The following LRPAP1 variants were observed in gnomAD, a reference collection of about 807,000 sequenced individuals.
The protein encoded by LRPAP1 is LDL receptor related protein associated protein 1, also known as alpha-2-macroglobulin receptor-associated protein.
A neutral mutation model predicts 39.9 loss-of-function variants in LRPAP1; 41 were observed. That is an observed-to-expected ratio of 1.03 (90% CI 0.80 to 1.33). The LOEUF (loss-of-function observed/expected upper bound fraction) is 1.33. LRPAP1 is among the 40% of genes most tolerant of loss of function. The pLI is 0.00. For missense variants in LRPAP1, 565 were observed against 482.3 expected (o/e 1.17, Z -1.61); for synonymous variants, 263 against 212.7 (o/e 1.24, Z -2.06).
At chr4:3,522,952 C>CG (rs1450689431) in intron 2 of LRPAP1, among the ~76,000 whole-genome samples, 1 of 152,094 alleles carries the variant, frequency 6.6e-6, no homozygotes, top group Non-Finnish European at 1.5e-5. Context: ...CGGGGGACCT[C>CG]GGGGGTCCAG....
rs541902980 is a variant in LRPAP1 at position 3,527,433 on chromosome 4, G to A, written c.205-2382C>T. Among the ~76,000 whole-genome samples, 5 of 149,908 alleles carry A rather than the reference G, an allele frequency of 3.3e-5. No homozygotes were observed. The East Asian group carries it at 6.3e-4, about 19-fold the overall frequency. On this transcript the variant is annotated intron_variant, in intron 1 of 7. Transcript: ENST00000650182. Reference sequence around the variant, plus strand: ...AGGGGCAGTCGGTGCCTCAGGAGGAGGGGGAGCCCACACCTGCCTATCTTG... The same window carrying A: ...AGGGGCAGTCGGTGCCTCAGGAGGAAGGGGAGCCCACACCTGCCTATCTTG...
Position 3,516,146 on chromosome 4 carries a change from G to A in LRPAP1, c.804C>T (p.Asn268=), listed in dbSNP as rs980674355. The change falls in exon 6 of 8, where the codon AAC becomes AAT. Residue 268 remains asparagine (N), a synonymous_variant. Transcript: ENST00000650182. ...ACGCCTCCAGCTCCTTGTCCGTGAGGTTGGCGGACTGCGCCAGGTCCCACA... is the reference window on the plus strand; with the variant it reads ...ACGCCTCCAGCTCCTTGTCCGTGAGATTGGCGGACTGCGCCAGGTCCCACA... ...IDLWDLAQSA[N]LTDKELEAFR... 2.5e-6 allele frequency: 4 copies of A among 1,582,444 alleles called. No individual in the cohort carries two copies. The African/African-American group carries it at 4.0e-5, about 16-fold the overall frequency.
intron 2 of LRPAP1, among the ~76,000 whole-genome samples, chr4:3,521,660 T>C (rs972540175): frequency 6.6e-6 from 1 of 152,208 alleles, no homozygotes; most frequent in Non-Finnish European, 1.5e-5. Context: ...TGTTCCAGCC[T>C]GGAAGCGCTT....
At chr4:3,522,598 CG>C (rs1277746098) in intron 2 of LRPAP1, among the ~76,000 whole-genome samples, 34 of 47,180 alleles carry the variant, frequency 7.2e-4, no homozygotes, top group Admixed American at 9.4e-4. Context: ...AGTCGGACGC[CG>C]CCCCACACCC....
At chr4:3,526,056 G>A (rs917917034) in intron 1 of LRPAP1, among the ~76,000 whole-genome samples, 7 of 152,252 alleles carry the variant, frequency 4.6e-5, no homozygotes, top group African/African-American at 1.2e-4. Context: ...GTCATGAGGT[G>A]GGACCAGGGT....
In LRPAP1 at chr4:3,519,106, C is replaced by G. The variant is rs1259502281; in HGVS notation, c.472-115G>C. The G allele has an allele frequency of 1.0e-5, 15 of 1,499,904 alleles. No individual in the cohort carries two copies. In the Admixed American group the frequency reaches 2.0e-4, roughly 20 times the overall value. 92.9% of individuals were successfully genotyped at this position (1,499,904 alleles called of 1,614,324 possible). A position where few individuals can be genotyped will look rare whatever the true frequency, so the allele number is the denominator to read the frequency against. The stretch of plus-strand genomic sequence containing the variant: ...GGCCCTTGCCTACGTGAGTGCCAGG[C>G]CAGGTTCTTGGCCTCACGAAGGGCA... On this transcript the variant is annotated intron_variant, in intron 3 of 7. Transcript: ENST00000650182.
At chr4:3,525,433 A>G (rs1483079323) in intron 1 of LRPAP1, among the ~76,000 whole-genome samples, 2 of 149,092 alleles carry the variant, frequency 1.3e-5, no homozygotes, top group African/African-American at 4.9e-5. Context: ...TATTGCAAGG[A>G]CACAGACACC....
At position 3,511,053 on chromosome 4, in the gene LRPAP1, C is replaced by T. The variant is rs771011588; in HGVS notation, c.*1921G>A. On this transcript the variant is annotated 3_prime_UTR_variant, in exon 8 of 8. Transcript: ENST00000650182. ...TAAGACACGCTACTCCGCAATTAGACACCACAAAACGCCAGCCAGGCTGTC... is the reference window on the plus strand; with the variant it reads ...TAAGACACGCTACTCCGCAATTAGATACCACAAAACGCCAGCCAGGCTGTC... 8 of 152,294 alleles carry T rather than the reference C, an allele frequency of 5.3e-5. No homozygotes were observed. The highest frequency in any genetic ancestry group is 4.4e-5 in the Non-Finnish European group (3 of 68,054). 9.4% of individuals were successfully genotyped at this position (152,294 alleles called of 1,614,324 possible).
rs1193530763 is a variant in LRPAP1 at position 3,505,278 on chromosome 4, G to A, written c.*7696C>T. Among the ~76,000 whole-genome samples the A allele has an allele frequency of 6.6e-6, 1 of 152,194 alleles. No individual in the cohort carries two copies. The highest frequency in any genetic ancestry group is 6.5e-5 in the Admixed American group (1 of 15,292). On this transcript the variant is annotated 3_prime_UTR_variant, in exon 8 of 8. Coordinates refer to ENST00000650182, the MANE Select transcript of LRPAP1 (RefSeq NM_002337.4). ...TGCGGTGGCAGTGGTGGGGGAGCAG[G>A]CATGGCACCCGGAGCACTGGAGCCC... is the stretch of plus-strand genomic sequence containing the variant.
At chr4:3,519,545 T>C (rs1219573800) in intron 3 of LRPAP1, among the ~76,000 whole-genome samples, 2 of 152,168 alleles carry the variant, frequency 1.3e-5, no homozygotes, top group African/African-American at 4.8e-5. Context: ...ATCAATGTGA[T>C]CCAGAGAAAC....
At position 3,506,170 on chromosome 4, in the gene LRPAP1, C is replaced by T. The variant is rs553344150; in HGVS notation, c.*6804G>A. Among the ~76,000 whole-genome samples the T allele has an allele frequency of 2.0e-5, 3 of 152,062 alleles. No individual in the cohort carries two copies. In the East Asian group the frequency reaches 5.8e-4, roughly 29 times the overall value. On this transcript the variant is annotated 3_prime_UTR_variant, in exon 8 of 8. Coordinates refer to ENST00000650182, the MANE Select transcript of LRPAP1 (RefSeq NM_002337.4). ...CTCTGTCTCCCAGCTTCAAGTGATT[C>T]TCGTGCCTTAGGCTCCCGAGTAGCT...
intron 1 of LRPAP1, among the ~76,000 whole-genome samples, chr4:3,529,949 AG>A (rs2108698925): frequency 6.6e-6 from 1 of 152,332 alleles, no homozygotes; most frequent in South Asian, 2.1e-4. Context: ...CAGGAGGCTG[AG>A]AGCAGTGGCT....
At chr4:3,524,669 G>GC (rs1013433735) in intron 2 of LRPAP1, among the ~76,000 whole-genome samples, 2 of 152,186 alleles carry the variant, frequency 1.3e-5, no homozygotes, top group African/African-American at 2.4e-5. Flanking sequence ...ATGAGGGTTA[G>GC]CCCCCCCAAA....
At chr4:3,514,686 ATGTGGGCGGCC>A in intron 7 of LRPAP1, 55 bp downstream of exon 7, 1 of 1,526,650 alleles carries the variant, frequency 6.6e-7, no homozygotes, top group Middle Eastern at 2.4e-4. Context: ...CCTGAGCTGC[ATGTGGGCGGCC>A]TCATCTTTCC....
rs1033139183 is a variant in LRPAP1 at position 3,512,620 on chromosome 4, T to C, written c.*354A>G. On this transcript the variant is annotated 3_prime_UTR_variant, in exon 8 of 8. Transcript: ENST00000650182. ...AGGACTCTGTGCATGGTATTTCCGG[T>C]GGCAGATGTGTAAGATTTTTTATGT... 7.4e-6 allele frequency: 2 copies of C among 270,264 alleles called. No individual in the cohort carries two copies. Among genetic ancestry groups the C allele is most frequent in the South Asian group, 6.3e-5 (1 of 15,784 alleles). 16.7% of individuals were successfully genotyped at this position (270,264 alleles called of 1,614,324 possible).
In LRPAP1 at chr4:3,520,207, G is replaced by A. The variant is rs1450821030; in HGVS notation, c.350-14C>T. On this transcript the variant is annotated splice_polypyrimidine_tract_variant and intron_variant, in intron 2 of 7. Transcript: ENST00000650182. ...TGGCCAAGATGACTAGGAGAGAGGG[G>A]AGGTTCTATTTGATATGGTTTCCTG... The A allele has an allele frequency of 4.3e-6, 7 of 1,611,378 alleles. No individual in the cohort carries two copies. Among genetic ancestry groups the A allele is most frequent in the South Asian group, 1.1e-5 (1 of 90,982 alleles).
chr4:3,516,863 A>AC (rs1311672360), intron 5 of LRPAP1, among the ~76,000 whole-genome samples: 3 of 151,872 alleles, frequency 2.0e-5, no homozygotes, highest in Non-Finnish European at 2.9e-5. Flanking sequence ...CCTGCTCAGG[A>AC]CCCCGAGGAC....
In LRPAP1 at chr4:3,510,408, T is replaced by C. The variant is rs1255898883; in HGVS notation, c.*2566A>G. On this transcript the variant is annotated 3_prime_UTR_variant, in exon 8 of 8. Transcript: ENST00000650182. ...GTGCAGTGAGCTGAGATCACGCTAC[T>C]GCACTCCAGCCTGAGGGACAGAGCA... The C allele has an allele frequency of 6.6e-6, 1 of 152,282 alleles. No homozygotes were observed. The highest frequency in any genetic ancestry group is 2.4e-5 in the African/African-American group (1 of 41,454). 9.4% of individuals were successfully genotyped at this position (152,282 alleles called of 1,614,324 possible).
intron 6 of LRPAP1, among the ~76,000 whole-genome samples, chr4:3,515,171 C>A (rs374412245): frequency 6.6e-6 from 1 of 152,160 alleles, no homozygotes; most frequent in African/African-American, 2.4e-5. Context: ...ATGGCACCCC[C>A]GCCCCCCGAA....
Sources: allele counts gnomAD v4.1 joint callset (sites outside exome capture counted in the v4.1 genomes callset), GRCh38; gene constraint gnomAD v4.1.1; transcripts MANE v1.5; gene names NCBI Gene and HGNC (gene_info 2026-07-23, HGNC 2026-07-21).